The following REDIC1 variants were observed in gnomAD, a reference collection of about 807,000 sequenced individuals.
REDIC1 encodes the protein regulator of DNA class I crossover intermediates 1, also known as HEI10 Interacting Protein 1.
chr12:39,796,175 G>A, the REDIC1 span, among the ~76,000 whole-genome samples: 1 of 152,114 alleles, frequency 6.6e-6, no homozygotes, highest in Non-Finnish European at 1.5e-5. Context: ...ATGTTTCCAA[G>A]GTTATGCATG....
the REDIC1 span, among the ~76,000 whole-genome samples, chr12:39,674,739 C>T: frequency 6.6e-6 from 1 of 152,188 alleles, no homozygotes; most frequent in Non-Finnish European, 1.5e-5. Flanking sequence ...GTAGACACTC[C>T]TGGTCCCCAG....
the REDIC1 span, among the ~76,000 whole-genome samples, chr12:39,844,856 C>G: frequency 6.6e-6 from 1 of 151,860 alleles, no homozygotes; most frequent in African/African-American, 2.4e-5. Context: ...TTAATTTTTG[C>G]TTGAAATATT....
At chr12:39,868,328 GCATT>G in the REDIC1 span, among the ~76,000 whole-genome samples, 1 of 152,084 alleles carries the variant, frequency 6.6e-6, no homozygotes, top group Non-Finnish European at 1.5e-5. Context: ...TGAATAAATA[GCATT>G]ATTAAAAATA....
chr12:39,696,051 G>A, the REDIC1 span, among the ~76,000 whole-genome samples: 15 of 152,236 alleles, frequency 9.9e-5, no homozygotes, highest in Admixed American at 5.2e-4. Context: ...TGGGCCTGGG[G>A]TGCCCCTATA....
the REDIC1 span, among the ~76,000 whole-genome samples, chr12:39,792,610 C>G: frequency 6.6e-6 from 1 of 152,144 alleles, no homozygotes; most frequent in Non-Finnish European, 1.5e-5. Flanking sequence ...CATCAGGGAA[C>G]TAGTTCCAGG....
chr12:39,626,299 C>G, the REDIC1 span: 2 of 1,613,238 alleles, frequency 1.2e-6, no homozygotes, highest in Admixed American at 1.7e-5. Flanking sequence ...TGTCTGAGCT[C>G]TAGACACAGG....
chr12:39,685,239 A>G, the REDIC1 span, among the ~76,000 whole-genome samples: 1 of 152,192 alleles, frequency 6.6e-6, no homozygotes, highest in Non-Finnish European at 1.5e-5. Flanking sequence ...AATACCTAAG[A>G]CTGGGTAATT....
At chr12:39,872,263 T>A in the REDIC1 span, among the ~76,000 whole-genome samples, 1 of 152,204 alleles carries the variant, frequency 6.6e-6, no homozygotes, top group African/African-American at 2.4e-5. Context: ...GTAGTTTCAC[T>A]AAAACTGTAT....
the REDIC1 span, among the ~76,000 whole-genome samples, chr12:39,821,935 ATACTT>A: frequency 2.6e-5 from 4 of 152,202 alleles, no homozygotes; most frequent in African/African-American, 9.7e-5. Context: ...TTTTATTATT[ATACTT>A]TAAGTTTTAG....
chr12:39,840,029 T>TTTTTG, the REDIC1 span, among the ~76,000 whole-genome samples: 5 of 151,986 alleles, frequency 3.3e-5, no homozygotes, highest in African/African-American at 9.7e-5. Flanking sequence ...CCATTCTTTT[T>TTTTTG]TTTTGTTTTG....
chr12:39,869,279 G>A, the REDIC1 span, among the ~76,000 whole-genome samples: 1 of 152,152 alleles, frequency 6.6e-6, no homozygotes, highest in African/African-American at 2.4e-5. Context: ...TTCTTATTCT[G>A]AAGGTGTAAA....
the REDIC1 span, among the ~76,000 whole-genome samples, chr12:39,711,259 T>G: frequency 6.7e-6 from 1 of 150,036 alleles, no homozygotes; most frequent in Non-Finnish European, 1.5e-5. Flanking sequence ...TATATATATA[T>G]GTGATATGTG....
At chr12:39,820,717 TTATATATATATATATATATA>T in the REDIC1 span, among the ~76,000 whole-genome samples, 261 of 132,682 alleles carry the variant, frequency 2.0e-3, 2 homozygotes, top group East Asian at 8.1e-3. Context: ...ATTTTTAAAT[TTATATATATATATATATATA>T]TATATATATA....
the REDIC1 span, among the ~76,000 whole-genome samples, chr12:39,740,341 A>T: frequency 2.0e-5 from 3 of 152,010 alleles, no homozygotes; most frequent in Non-Finnish European, 4.4e-5. Flanking sequence ...TTTTTTCAGA[A>T]TTTTTTTTAG....
At chr12:39,864,900 T>G in the REDIC1 span, 2 of 1,601,102 alleles carry the variant, frequency 1.2e-6, no homozygotes, top group African/African-American at 2.7e-5. Context: ...AAAAAAAGTT[T>G]TATATTAGAG....
chr12:39,834,258 C>T, the REDIC1 span, among the ~76,000 whole-genome samples: 1 of 151,936 alleles, frequency 6.6e-6, no homozygotes, highest in African/African-American at 2.4e-5. Flanking sequence ...TATTTTTTCT[C>T]CCTTACATCT....
chr12:39,825,474 A>G, the REDIC1 span, among the ~76,000 whole-genome samples: 5 of 152,162 alleles, frequency 3.3e-5, no homozygotes, highest in Non-Finnish European at 7.4e-5. Flanking sequence ...AAAGTCATTC[A>G]TACCTTCTAA....
At chr12:39,719,329 A>G in the REDIC1 span, among the ~76,000 whole-genome samples, 120,598 of 152,120 alleles carry the variant, frequency 0.79, 48,532 homozygotes, top group Non-Finnish European at 0.86. Flanking sequence ...ATGAACAAAG[A>G]TAAGAAATAG....
the REDIC1 span, among the ~76,000 whole-genome samples, chr12:39,632,543 T>C: frequency 1.3e-5 from 2 of 152,204 alleles, no homozygotes; most frequent in African/African-American, 4.8e-5. Flanking sequence ...TATGTATGCA[T>C]GCATGTATAT....
Sources: allele counts gnomAD v4.1 joint callset (sites outside exome capture counted in the v4.1 genomes callset), GRCh38; gene constraint gnomAD v4.1.1; transcripts MANE v1.5; gene names NCBI Gene and HGNC (gene_info 2026-07-23, HGNC 2026-07-21).